Variants in SEC16B observed in about 807,000 individuals in gnomAD.
SEC16B encodes the protein SEC16 homolog B, endoplasmic reticulum export factor, also known as protein transport protein Sec16B.
Under a neutral mutation model 141.8 loss-of-function variants are expected in SEC16B, and 115 were observed. The ratio of observed to expected loss-of-function variants is 0.81; its 90% CI spans 0.70 to 0.95. SEC16B has a LOEUF of 0.95. SEC16B is among the 40% of genes least tolerant of loss of function. SEC16B has a pLI of 0.00. For missense variants in SEC16B, 1,291 were observed against 1,312.3 expected, an observed-to-expected ratio of 0.98 and a Z score of 0.25; for synonymous variants, 493 against 492.5, an observed-to-expected ratio of 1.00 and a Z score of -0.01.
chr1:177,967,565 G>C, intron 2 of SEC16B, 118 bp downstream of exon 2: 1 of 1,058,776 alleles, frequency 9.4e-7, no homozygotes, highest in South Asian at 1.9e-5. Flanking sequence ...ACGTAGTAAG[G>C]TAGAGAAGGA....
chr1:177,942,213 A>G (rs1056414082), intron 15 of SEC16B, among the ~76,000 whole-genome samples, 173 bp from the exon 16 acceptor site: 1 of 152,218 alleles, frequency 6.6e-6, no homozygotes, highest in Non-Finnish European at 1.5e-5. Context: ...CACAACTCCA[A>G]ATCCAGCCTG....
At position 177,964,220 on chromosome 1, in the gene SEC16B, G is replaced by T. The variant is rs368445401; in HGVS notation, c.593C>A (p.Pro198Gln). Residue 198 changes from proline to glutamine, a missense_variant, in exon 5 of 26, where the codon CCG (proline) becomes CAG (glutamine). Physicochemically the swap from Pro to Gln is moderately conservative, Grantham distance 76. Around this residue, in one of 3 missense-constraint regions of SEC16B, gnomAD observed 681 missense variants for 675.5 expected, o/e 1.01. Transcript: ENST00000308284. ...SPASNSGQEW[P>Q]GELFPGSLLA... The stretch of plus-strand genomic sequence containing the variant: ...CAGGCTCCCTGGAAACAGCTCCCCC[G>T]GCCACTCCTGTCCAGAGTTGGAAGC... The T allele has an allele frequency of 1.9e-6, 3 of 1,613,588 alleles. No individual in the cohort carries two copies. In the African/African-American group the frequency reaches 4.0e-5, roughly 22 times the overall value.
At chr1:177,939,639 T>C in intron 18 of SEC16B, 63 bp downstream of exon 18, 1 of 1,339,044 alleles carries the variant, frequency 7.5e-7, no homozygotes, top group Non-Finnish European at 1.0e-6. Flanking sequence ...TAAATTACTT[T>C]GTCTCGTAGA....
chr1:177,961,746 A>G lies in SEC16B; in HGVS notation c.643-12T>C. Reference sequence around the variant, plus strand: ...CTAGCCAATGATGGCTGAAAGTTAAAAACAAAAACACACAGGAAGAAGTTT... The same window carrying G: ...CTAGCCAATGATGGCTGAAAGTTAAGAACAAAAACACACAGGAAGAAGTTT... On this transcript the variant is annotated splice_polypyrimidine_tract_variant and intron_variant, in intron 5 of 25. Coordinates refer to ENST00000308284, the MANE Select transcript of SEC16B (RefSeq NM_033127.4). 1 of 1,612,884 alleles carries G rather than the reference A, an allele frequency of 6.2e-7. No individual in the cohort carries two copies. The highest frequency in any genetic ancestry group is 8.5e-7 in the Non-Finnish European group (1 of 1,179,664).
At position 177,963,249 on chromosome 1, in the gene SEC16B, G is replaced by T. The variant is rs137864362; in HGVS notation, c.642+922C>A. On this transcript the variant is annotated intron_variant, in intron 5 of 25. Transcript: ENST00000308284. ...TCTATTAAGCACTAAGTATACAAAA[G>T]AAATTGACCTCATACAAACCTAATA... Among the ~76,000 whole-genome samples the T allele has an allele frequency of 3.8e-3, 582 of 152,078 alleles. 6 individuals are homozygous for T. The highest frequency in any genetic ancestry group is 0.014 in the African/African-American group (567 of 41,540).
intron 12 of SEC16B, chr1:177,948,766 A>C: frequency 2.8e-6 from 3 of 1,053,074 alleles, no homozygotes; most frequent in East Asian, 1.2e-4. Flanking sequence ...CAAGTTTCTT[A>C]ATGTCTCTGA....
intron 1 of SEC16B, among the ~76,000 whole-genome samples, chr1:177,975,794 A>C (rs1283965000): frequency 1.3e-5 from 2 of 152,318 alleles, no homozygotes; most frequent in Non-Finnish European, 2.9e-5. Flanking sequence ...CTTGACTCCA[A>C]CTAAGCTACC....
At chr1:177,936,060 A>G (rs182884483) in intron 20 of SEC16B, among the ~76,000 whole-genome samples, 2 of 152,354 alleles carry the variant, frequency 1.3e-5, no homozygotes, top group Admixed American at 1.3e-4. Context: ...AAAACGAATC[A>G]GCTCAGTTGC....
chr1:177,970,787 A>G (rs537552530), upstream of SEC16B, among the ~76,000 whole-genome samples: 101 of 152,336 alleles, frequency 6.6e-4, 1 homozygote, highest in African/African-American at 2.4e-3. Context: ...CTACTTCTGA[A>G]TTAATATTTT....
chr1:177,940,632 G>A lies in SEC16B; in HGVS notation c.2105C>T (p.Ala702Val), dbSNP rs199539304. The A allele has an allele frequency of 3.9e-5, 63 of 1,613,630 alleles. No individual in the cohort carries two copies. In the African/African-American group the frequency reaches 4.5e-4, roughly 12 times the overall value. Residue 702 changes from alanine to valine, a missense_variant, in exon 17 of 26, where the codon GCG becomes GTG. Ala to Val is a moderately conservative substitution (Grantham distance 64). Transcript: ENST00000308284. ...GDRDLEPDWL[A>V]QLRRQLEQKV... The stretch of plus-strand genomic sequence containing the variant: ...CACCTCCAGCTGCCTCCGAAGTTGC[G>A]CTAGCCAATCTGGCTCCAGGTCCCT...
intron 14 of SEC16B, 41 bp from the exon 15 acceptor site, chr1:177,944,707 G>T (rs765733216): frequency 1.3e-6 from 2 of 1,537,372 alleles, no homozygotes; most frequent in Non-Finnish European, 1.8e-6. Context: ...TGAGGTGTGG[G>T]GGACGCAGGA....
In SEC16B at chr1:177,930,554, C is replaced by A. The variant is rs183770097; in HGVS notation, c.3102G>T (p.Gln1034His). 2,327 of 1,613,296 alleles carry A rather than the reference C, an allele frequency of 1.4e-3. 5 individuals carry two copies. Among genetic ancestry groups the A allele is most frequent in the Non-Finnish European group, 1.8e-3 (2,091 of 1,179,504 alleles). ...CTGAGGGCTTCCTTACCTGAGGCAC[C>A]TGAGATGGGTTGTAAAGAGGAACAG... ...KGAVPLYNPS[Q>H]VPQLPTATSL... The change falls in exon 25 of 26, where the codon CAG (glutamine) becomes CAT (histidine). Residue 1034 changes from glutamine (Q) to histidine (H), a missense_variant. By Grantham distance (24) the Gln-to-His change is conservative (BLOSUM62 0). This residue lies in a region of SEC16B where 605 missense variants were observed against 614.1 expected (regional missense o/e 0.99). Transcript: ENST00000308284.
At chr1:177,958,549 C>T in intron 9 of SEC16B, 187 bp from the exon 10 acceptor site, 1 of 599,770 alleles carries the variant, frequency 1.7e-6, no homozygotes, top group Non-Finnish European at 2.8e-6. Context: ...TTATTTTCTG[C>T]CTGTCAGGAG....
At position 177,967,817 on chromosome 1, in the gene SEC16B, G is replaced by A. The variant is rs757700129; in HGVS notation, c.165C>T (p.Ser55=). The change falls in exon 2 of 26, where the codon AGC becomes AGT. Residue 55 remains serine, a synonymous_variant. Coordinates refer to ENST00000308284, the MANE Select transcript of SEC16B (RefSeq NM_033127.4). ...RFHQWQDNRG[S]PQPQQEPRAD... Reference sequence around the variant, plus strand: ...CCCTGGGCTCCTGCTGTGGCTGGGGGCTCCCACGGTTGTCTTGCCATTGGT... The same window carrying A: ...CCCTGGGCTCCTGCTGTGGCTGGGGACTCCCACGGTTGTCTTGCCATTGGT... The A allele has an allele frequency of 1.9e-6, 3 of 1,613,982 alleles. No homozygotes were observed. The Admixed American group carries it at 5.0e-5, about 27-fold the overall frequency.
At chr1:177,949,340 T>C (rs1163909989) in intron 12 of SEC16B, among the ~76,000 whole-genome samples, 1 of 150,858 alleles carries the variant, frequency 6.6e-6, no homozygotes, top group Non-Finnish European at 1.5e-5. Context: ...TGCTTCTTGC[T>C]GGATCTACAG....
At chr1:177,983,525 GAA>G (rs72197624) in intron 1 of SEC16B, among the ~76,000 whole-genome samples, 23 of 140,386 alleles carry the variant, frequency 1.6e-4, no homozygotes, top group Middle Eastern at 7.5e-3. Context: ...GGTCTCAACA[GAA>G]AAAAAAAAAA....
intron 10 of SEC16B, among the ~76,000 whole-genome samples, chr1:177,955,888 T>C (rs1652561030): frequency 6.6e-6 from 1 of 152,260 alleles, no homozygotes; most frequent in South Asian, 2.1e-4. Context: ...ATTGCAACAT[T>C]GTAATTGCAA....
chr1:177,929,902 G>A lies in SEC16B; in HGVS notation c.3139C>T (p.Pro1047Ser). 1.2e-6 allele frequency: 2 copies of A among 1,613,884 alleles called. No individual in the cohort carries two copies. The highest frequency in any genetic ancestry group is 8.5e-7 in the Non-Finnish European group (1 of 1,179,852). Residue 1047 changes from proline to serine, a missense_variant, in exon 26 of 26, where the codon CCA (proline) becomes TCA (serine). Coordinates refer to ENST00000308284, the MANE Select transcript of SEC16B (RefSeq NM_033127.4). ...TAGCGACGCTGAGCTAGGCGATTTG[G>A]CCGATTCAGGCTAGTGGCCGTGGGC... The part of the protein sequence containing the change: ...QLPTATSLNR[P>S]NRLAQRRYPT...
intron 5 of SEC16B, among the ~76,000 whole-genome samples, chr1:177,963,043 G>A (rs1231746078): frequency 2.0e-5 from 3 of 151,894 alleles, no homozygotes; most frequent in Non-Finnish European, 4.4e-5. Context: ...GGGAGGCGGA[G>A]GTTGCAGTGA....
Sources: allele counts gnomAD v4.1 joint callset (sites outside exome capture counted in the v4.1 genomes callset), GRCh38; gene constraint gnomAD v4.1.1; regional missense constraint gnomAD v4.1.1; transcripts MANE v1.5; gene names NCBI Gene and HGNC (gene_info 2026-07-23, HGNC 2026-07-21).